DCC: variants seen among roughly 807,000 people sequenced by gnomAD.
DCC encodes the protein DCC netrin 1 receptor.
Under a neutral mutation model 172.5 loss-of-function variants are expected in DCC, and 58 were observed. That is an observed-to-expected ratio of 0.34 (90% CI 0.27 to 0.42). DCC has a LOEUF of 0.42. DCC is among the 10% of genes least tolerant of loss of function. The pLI is 1.00. For missense variants in DCC, 1,740 were observed against 1,791.0 expected, an observed-to-expected ratio of 0.97 and a Z score of 0.51; for synonymous variants, 709 against 644.5, an observed-to-expected ratio of 1.10 and a Z score of -1.52.
At chr18:53,004,393 A>AT (rs1353648812) in intron 5 of DCC, among the ~76,000 whole-genome samples, 33 of 152,146 alleles carry the variant, frequency 2.2e-4, no homozygotes, top group Middle Eastern at 6.8e-3. Context: ...GTGTTTCTCT[A>AT]TTTTTTCCTC....
At chr18:52,586,315 C>T (rs977974152) in intron 1 of DCC, among the ~76,000 whole-genome samples, 2 of 152,036 alleles carry the variant, frequency 1.3e-5, no homozygotes, top group Non-Finnish European at 2.9e-5. Context: ...TTTCTATTCT[C>T]AGTAGAGGAT....
At chr18:53,337,627 C>T (rs1434742483) in intron 14 of DCC, among the ~76,000 whole-genome samples, 1 of 151,988 alleles carries the variant, frequency 6.6e-6, no homozygotes, top group East Asian at 1.9e-4. Flanking sequence ...TCCCTTTTTG[C>T]CCACAAAGGG....
In DCC at chr18:52,959,151, G is replaced by A. The variant is rs560762425; in HGVS notation, c.985+33781G>A. On this transcript the variant is annotated intron_variant, in intron 5 of 28. Coordinates refer to ENST00000442544, the MANE Select transcript of DCC (RefSeq NM_005215.4). ...TAAATAACATTTCAGGGGGGTGAGGGAAGAAACTATAATTGTAAATAGGTC... is the reference window on the plus strand; with the variant it reads ...TAAATAACATTTCAGGGGGGTGAGGAAAGAAACTATAATTGTAAATAGGTC... Among the ~76,000 whole-genome samples the A allele has an allele frequency of 6.6e-5, 10 of 152,106 alleles. No homozygotes were observed. The East Asian group carries it at 1.4e-3, about 21-fold the overall frequency.
intron 1 of DCC, among the ~76,000 whole-genome samples, chr18:52,355,273 G>A (rs948644236): frequency 3.3e-5 from 5 of 152,078 alleles, no homozygotes; most frequent in African/African-American, 4.8e-5. Context: ...TGATCAGGCA[G>A]AAAAGGACCT....
At chr18:53,421,189 A>C (rs1910628778) in intron 21 of DCC, among the ~76,000 whole-genome samples, 2 of 152,124 alleles carry the variant, frequency 1.3e-5, no homozygotes, top group Non-Finnish European at 2.9e-5. Flanking sequence ...TTTAATGTCC[A>C]AATATTGTTC....
intron 15 of DCC, among the ~76,000 whole-genome samples, chr18:53,346,768 T>A (rs954034220): frequency 6.6e-6 from 1 of 152,198 alleles, no homozygotes; most frequent in Non-Finnish European, 1.5e-5. Flanking sequence ...ACCATTTGGG[T>A]TGGGCATCTA....
At chr18:52,482,736 A>G (rs2030019964) in intron 1 of DCC, among the ~76,000 whole-genome samples, 1 of 152,098 alleles carries the variant, frequency 6.6e-6, no homozygotes, top group African/African-American at 2.4e-5. Flanking sequence ...TAGATTCTCA[A>G]TCCAAAACAG....
At chr18:53,010,774 TTTACA>T (rs1406667418) in intron 5 of DCC, among the ~76,000 whole-genome samples, 10 of 151,128 alleles carry the variant, frequency 6.6e-5, no homozygotes, top group Admixed American at 2.0e-4. Context: ...TTAAATACTC[TTTACA>T]TTACACACTG....
intron 1 of DCC, among the ~76,000 whole-genome samples, chr18:52,666,625 A>G (rs1488188848): frequency 7.2e-5 from 11 of 152,182 alleles, no homozygotes; most frequent in Non-Finnish European, 1.5e-4. Flanking sequence ...TTGTCTGTGC[A>G]GATATTATCT....
At chr18:53,257,100 A>T (rs1339072729) in intron 12 of DCC, among the ~76,000 whole-genome samples, 3 of 152,224 alleles carry the variant, frequency 2.0e-5, no homozygotes, top group Non-Finnish European at 4.4e-5. Context: ...TATTAGCTTA[A>T]GGAGATTTTG....
intron 12 of DCC, among the ~76,000 whole-genome samples, chr18:53,216,200 G>C (rs937169562): frequency 1.9e-4 from 29 of 152,278 alleles, no homozygotes; most frequent in Admixed American, 9.2e-4. Flanking sequence ...CCAGAGGTCA[G>C]TTTTCTAGAA....
In DCC at chr18:53,024,503, C is replaced by T. The variant is rs138516891; in HGVS notation, c.986-38802C>T. Reference sequence around the variant, plus strand: ...ACTCTCATTAGCTGAGGGAAACTTCCCATGAGCCAAAGAGCCCATCAAAGT... The same window carrying T: ...ACTCTCATTAGCTGAGGGAAACTTCTCATGAGCCAAAGAGCCCATCAAAGT... On this transcript the variant is annotated intron_variant, in intron 5 of 28. Transcript: ENST00000442544. Among the ~76,000 whole-genome samples the T allele has an allele frequency of 7.3e-4, 111 of 152,186 alleles. 1 individual carries two copies. Among genetic ancestry groups the T allele is most frequent in the Admixed American group, 1.4e-3 (21 of 15,260 alleles).
chr18:52,920,277 C>T (rs2040102763), intron 3 of DCC, among the ~76,000 whole-genome samples: 1 of 151,780 alleles, frequency 6.6e-6, no homozygotes, highest in South Asian at 2.1e-4. Flanking sequence ...TAAAAAACAA[C>T]CCACAGATTG....
chr18:52,650,466 T>C (rs2144922414), intron 1 of DCC, among the ~76,000 whole-genome samples: 1 of 152,280 alleles, frequency 6.6e-6, no homozygotes, highest in Admixed American at 6.5e-5. Context: ...AGTATGGAGA[T>C]TCCATTTCCA....
chr18:53,296,839 C>T (rs534406942), intron 12 of DCC, among the ~76,000 whole-genome samples: 1 of 152,274 alleles, frequency 6.6e-6, no homozygotes, highest in South Asian at 2.1e-4. Context: ...TCGTAGATTC[C>T]TGCTATGTTC....
At chr18:53,390,489 G>A (rs17414252) in intron 16 of DCC, among the ~76,000 whole-genome samples, 64,392 of 151,954 alleles carry the variant, frequency 0.42, 15,436 homozygotes, top group Non-Finnish European at 0.55. Flanking sequence ...TAGACACCCA[G>A]CATATTAGTA....
intron 1 of DCC, among the ~76,000 whole-genome samples, chr18:52,343,783 G>A (rs1267469636): frequency 6.6e-6 from 1 of 152,226 alleles, no homozygotes; most frequent in African/African-American, 2.4e-5. Flanking sequence ...GCTGAAATGA[G>A]GCTGGTCGCC....
intron 1 of DCC, among the ~76,000 whole-genome samples, chr18:52,565,247 G>T (rs1598917132): frequency 6.6e-6 from 1 of 152,098 alleles, no homozygotes; most frequent in South Asian, 2.1e-4. Context: ...TCACTGATGG[G>T]CATTTGGGTT....
At chr18:53,011,083 T>A (rs7243996) in intron 5 of DCC, among the ~76,000 whole-genome samples, 3,391 of 151,584 alleles carry the variant, frequency 0.022, 125 homozygotes, top group African/African-American at 0.077. Context: ...ATGAAGCTAC[T>A]CTTTAAAAAC....
Sources: allele counts gnomAD v4.1 joint callset (sites outside exome capture counted in the v4.1 genomes callset), GRCh38; gene constraint gnomAD v4.1.1; transcripts MANE v1.5; gene names NCBI Gene and HGNC (gene_info 2026-07-23, HGNC 2026-07-21).